LRP1B: variants seen among roughly 807,000 people sequenced by gnomAD.
LRP1B encodes the protein LDL receptor related protein 1B, also known as low-density lipoprotein receptor-related protein 1B.
LRP1B carries 217 observed loss-of-function variants against 556.6 expected under a neutral mutation model. That is an observed-to-expected ratio of 0.39 (90% CI 0.35 to 0.44). The LOEUF is 0.44. Ranked by LOEUF, LRP1B falls within the 20% of genes least tolerant of loss-of-function variation. The pLI is 1.00. For missense variants in LRP1B, 5,053 were observed against 5,620.8 expected (o/e 0.90, Z 3.23); for synonymous variants, 2,047 against 1,865.8 (o/e 1.10, Z -2.50).
chr2:141,064,978 T>C (rs1397844182), intron 7 of LRP1B, among the ~76,000 whole-genome samples: 1 of 151,922 alleles, frequency 6.6e-6, no homozygotes, highest in Non-Finnish European at 1.5e-5. Context: ...ATGATTTCCC[T>C]GAGAGACAAA....
intron 35 of LRP1B, among the ~76,000 whole-genome samples, chr2:140,743,934 T>C (rs1346967639): frequency 2.7e-5 from 3 of 112,130 alleles, no homozygotes; most frequent in African/African-American, 1.0e-4. Context: ...GCCACTGCAC[T>C]CCAGCCTGGC....
intron 31 of LRP1B, among the ~76,000 whole-genome samples, chr2:140,836,519 T>G (rs1691908912): frequency 6.6e-6 from 1 of 152,232 alleles, no homozygotes; most frequent in African/African-American, 2.4e-5. Flanking sequence ...TTTGAACAAT[T>G]TAATTCACTT....
chr2:141,259,752 C>G (rs1379094722), intron 3 of LRP1B, among the ~76,000 whole-genome samples: 1 of 152,166 alleles, frequency 6.6e-6, no homozygotes, highest in East Asian at 1.9e-4. Flanking sequence ...ATGACTAAAG[C>G]TCTCATTACA....
chr2:141,813,763 C>T (rs763286243), intron 1 of LRP1B, among the ~76,000 whole-genome samples: 1 of 152,050 alleles, frequency 6.6e-6, no homozygotes, highest in Non-Finnish European at 1.5e-5. Context: ...TTTGCTTCTG[C>T]CATTCAGAGA....
intron 1 of LRP1B, among the ~76,000 whole-genome samples, chr2:142,117,584 A>G (rs1158656972): frequency 6.6e-6 from 1 of 152,010 alleles, no homozygotes; most frequent in Non-Finnish European, 1.5e-5. Context: ...ATTGGTTCCC[A>G]CAATGGATTT....
At chr2:140,940,157 T>C (rs1021047823) in intron 20 of LRP1B, among the ~76,000 whole-genome samples, 2 of 152,100 alleles carry the variant, frequency 1.3e-5, no homozygotes, top group African/African-American at 4.8e-5. Flanking sequence ...AATGCCGTGA[T>C]TACAGGGGTG....
rs148373018 is a variant in LRP1B, at chr2:141,817,247, A to G, written c.83-6846T>C. 7.7e-4 allele frequency among the ~76,000 whole-genome samples: 118 copies of G among 152,294 alleles called. 2 individuals carry two copies. The East Asian group carries it at 0.021, about 27-fold the overall frequency. ...AAACATAGTGTTTTACACTGTAATT[A>G]AAACAAGGAGCTTATGGAAATGTGA... On this transcript the variant is annotated intron_variant, in intron 1 of 90. Transcript: ENST00000389484.
chr2:141,211,302 T>A (rs200283504), intron 6 of LRP1B, among the ~76,000 whole-genome samples: 47,349 of 138,006 alleles, frequency 0.34, 8,140 homozygotes, highest in East Asian at 0.67. Context: ...TTTCTTTTTT[T>A]TTAAAAAAAA....
rs773374724 is a variant in LRP1B at position 140,444,464 on chromosome 2, G to T, written c.10175-15C>A. On this transcript the variant is annotated splice_polypyrimidine_tract_variant and intron_variant, in intron 64 of 90. Coordinates refer to ENST00000389484, the MANE Select transcript of LRP1B (RefSeq NM_018557.3). ...GACATGTGTGTCTAGAACATAGAAG[G>T]AGAGAGAGAGAGAAAATTTGTGTCT... 2 of 1,596,072 alleles carry T rather than the reference G, an allele frequency of 1.3e-6. No homozygotes were observed. The highest frequency in any genetic ancestry group is 3.4e-5 in the Admixed American group (2 of 59,252).
At chr2:141,757,701 T>G (rs1345741815) in intron 2 of LRP1B, among the ~76,000 whole-genome samples, 1 of 152,004 alleles carries the variant, frequency 6.6e-6, no homozygotes, top group Non-Finnish European at 1.5e-5. Flanking sequence ...GTCCAGCTAA[T>G]TTTTAATTTT....
chr2:140,976,778 T>C (rs907009194), intron 18 of LRP1B, among the ~76,000 whole-genome samples: 16 of 152,110 alleles, frequency 1.1e-4, no homozygotes, highest in African/African-American at 3.6e-4. Context: ...CCCAAAGTAC[T>C]GGGATTACAG....
intron 18 of LRP1B, among the ~76,000 whole-genome samples, chr2:140,961,458 C>T (rs956568731): frequency 4.6e-5 from 7 of 151,972 alleles, no homozygotes; most frequent in Non-Finnish European, 7.4e-5. Context: ...TTTATCTGAA[C>T]ATAAGGAAAA....
chr2:141,521,301 A>G (rs1233762838), intron 2 of LRP1B, among the ~76,000 whole-genome samples: 2 of 152,078 alleles, frequency 1.3e-5, no homozygotes, highest in African/African-American at 2.4e-5. Context: ...AATCATGGAA[A>G]CTTTTTATCC....
At chr2:140,723,409 AT>A (rs1346525432) in intron 35 of LRP1B, among the ~76,000 whole-genome samples, 1 of 152,186 alleles carries the variant, frequency 6.6e-6, no homozygotes, top group African/African-American at 2.4e-5. Context: ...CAAGGAAAAA[AT>A]TTTGAAGATG....
chr2:141,032,822 C>CATAAATATATATATATATATATATAT (rs1333410760), intron 11 of LRP1B, among the ~76,000 whole-genome samples: 1 of 75,544 alleles, frequency 1.3e-5, no homozygotes. Context: ...TATATATATA[C>CATAAATATATATATATATATATATAT]ATACATATAT....
chr2:140,684,066 T>C (rs1324235735), intron 41 of LRP1B, among the ~76,000 whole-genome samples: 1 of 152,186 alleles, frequency 6.6e-6, no homozygotes, highest in Non-Finnish European at 1.5e-5. Context: ...GAATATATAT[T>C]TTAATAATAC....
intron 2 of LRP1B, among the ~76,000 whole-genome samples, chr2:141,710,233 A>T (rs1214052498): frequency 6.6e-6 from 1 of 151,938 alleles, no homozygotes; most frequent in Non-Finnish European, 1.5e-5. Flanking sequence ...TCCTTTACCT[A>T]TTGTGTATTT....
intron 41 of LRP1B, among the ~76,000 whole-genome samples, chr2:140,612,858 A>C (rs1683116744): frequency 6.6e-6 from 1 of 152,070 alleles, no homozygotes; most frequent in Non-Finnish European, 1.5e-5. Flanking sequence ...TTTTTTAGGA[A>C]GTGGAAGATT....
chr2:140,322,217 TGTGGA>T, intron 81 of LRP1B, 129 bp from the exon 82 acceptor site: 1 of 850,198 alleles, frequency 1.2e-6, no homozygotes, highest in Non-Finnish European at 1.9e-6. Flanking sequence ...TTTCCACTGA[TGTGGA>T]GTATCTCACT....
Sources: gnomAD v4.1 joint callset for allele counts (sites outside exome capture counted in the v4.1 genomes callset) on GRCh38, gnomAD v4.1.1 for gene constraint, MANE v1.5 for transcripts, NCBI Gene and HGNC (gene_info 2026-07-23, HGNC 2026-07-21) for gene names.